Variants in KCNQ5 observed in about 807,000 individuals in gnomAD.
The protein encoded by KCNQ5 is potassium voltage-gated channel subfamily Q member 5.
A neutral mutation model predicts 98.2 loss-of-function variants in KCNQ5; 30 were observed. The ratio of observed to expected loss-of-function variants is 0.31; its 90% CI spans 0.23 to 0.41. KCNQ5 has a LOEUF of 0.41. Among genes scored for constraint, KCNQ5 ranks in the 10% least tolerant of loss-of-function variants. The pLI is 1.00. For synonymous variants in KCNQ5, 458 were observed against 449.4 expected (o/e 1.02, Z -0.24); for missense variants, 835 against 1,182.5 (o/e 0.71, Z 4.31).
At chr6:73,016,221 G>A (rs1303642300) in intron 2 of KCNQ5, among the ~76,000 whole-genome samples, 1 of 152,122 alleles carries the variant, frequency 6.6e-6, no homozygotes, top group East Asian at 1.9e-4. Flanking sequence ...TGAATGGAAT[G>A]AGGCGATGAG....
chr6:72,807,319 A>G (rs1187305270), intron 1 of KCNQ5, among the ~76,000 whole-genome samples: 1 of 152,188 alleles, frequency 6.6e-6, no homozygotes, highest in Admixed American at 6.6e-5. Context: ...TTATGAAAAT[A>G]ACAATATAAT....
chr6:73,157,391 A>G (rs1014373654), intron 10 of KCNQ5: 5 of 575,744 alleles, frequency 8.7e-6, no homozygotes, highest in Middle Eastern at 4.7e-4. Flanking sequence ...AGGATTCACA[A>G]TTTCTGGGGG....
At chr6:72,820,819 G>A (rs1277696785) in intron 1 of KCNQ5, among the ~76,000 whole-genome samples, 2 of 152,148 alleles carry the variant, frequency 1.3e-5, no homozygotes, top group Non-Finnish European at 2.9e-5. Flanking sequence ...AACACATACG[G>A]TGTTTATGAA....
At chr6:72,917,362 G>C (rs1368190830) in intron 1 of KCNQ5, among the ~76,000 whole-genome samples, 1 of 152,088 alleles carries the variant, frequency 6.6e-6, no homozygotes, top group African/African-American at 2.4e-5. Flanking sequence ...AAAGCTTTTT[G>C]TTAAACTGAG....
intron 5 of KCNQ5, among the ~76,000 whole-genome samples, chr6:73,102,482 A>T (rs1034066078): frequency 6.6e-6 from 1 of 152,184 alleles, no homozygotes; most frequent in African/African-American, 2.4e-5. Context: ...ATATTTGCAA[A>T]TTATCCATCT....
At chr6:72,803,461 G>T (rs952816280) in intron 1 of KCNQ5, among the ~76,000 whole-genome samples, 3 of 152,076 alleles carry the variant, frequency 2.0e-5, no homozygotes, top group African/African-American at 7.2e-5. Flanking sequence ...TATGCTTAAT[G>T]GTTTTCATTT....
rs190861116 is a variant in KCNQ5 at position 72,733,513 on chromosome 6, A to G, written c.398+110926A>G. On this transcript the variant is annotated intron_variant, in intron 1 of 13. Coordinates refer to ENST00000370398, the MANE Select transcript of KCNQ5 (RefSeq NM_019842.4). ...GCTCACTGAGTTAGGGAGAAGTTAGACTTTATGTCCATCTTTTTAAAAATG... is the reference window on the plus strand; with the variant it reads ...GCTCACTGAGTTAGGGAGAAGTTAGGCTTTATGTCCATCTTTTTAAAAATG... 3.3e-3 allele frequency among the ~76,000 whole-genome samples: 502 copies of G among 152,336 alleles called. 2 individuals are homozygous for G. The highest frequency in any genetic ancestry group is 0.011 in the South Asian group (53 of 4,830).
chr6:72,977,087 C>A (rs747124611), intron 1 of KCNQ5, among the ~76,000 whole-genome samples: 8 of 152,152 alleles, frequency 5.3e-5, no homozygotes. Context: ...AATTATGTAG[C>A]AATTATGTGT....
intron 1 of KCNQ5, among the ~76,000 whole-genome samples, chr6:72,737,318 G>T (rs1388772029): frequency 1.3e-5 from 2 of 152,122 alleles, no homozygotes; most frequent in African/African-American, 4.8e-5. Flanking sequence ...ATTATTTAAT[G>T]TTAGTAAAAT....
rs552837826 is a variant in KCNQ5 at position 73,124,040 on chromosome 6, C to CA, written c.1221-437dup. Among the ~76,000 whole-genome samples the CA allele has an allele frequency of 9.4e-3, 1,424 of 151,288 alleles. 15 individuals carry two copies. The highest frequency in any genetic ancestry group is 0.013 in the Non-Finnish European group (883 of 67,748). The stretch of plus-strand genomic sequence containing the variant: ...AAGGAAATTTAGATTTTATACGATA[C>CA]AAAAAAAAATCTGCCTCAGCAAGTG... On this transcript the variant is annotated intron_variant, in intron 8 of 13. Coordinates refer to ENST00000370398, the MANE Select transcript of KCNQ5 (RefSeq NM_019842.4).
chr6:73,192,506 T>C, intron 12 of KCNQ5, 59 bp from the exon 13 acceptor site: 1 of 1,416,382 alleles, frequency 7.1e-7, no homozygotes. Flanking sequence ...CTCTTCATTC[T>C]GACCTAGGGC....
intron 1 of KCNQ5, among the ~76,000 whole-genome samples, chr6:72,922,349 T>C (rs1780435628): frequency 6.6e-6 from 1 of 152,240 alleles, no homozygotes; most frequent in Non-Finnish European, 1.5e-5. Context: ...TTTTAATATA[T>C]GTATACACTT....
intron 1 of KCNQ5, among the ~76,000 whole-genome samples, chr6:72,841,610 A>T (rs887170107): frequency 6.6e-6 from 1 of 152,146 alleles, no homozygotes; most frequent in Non-Finnish European, 1.5e-5. Flanking sequence ...TATTTCTTAC[A>T]TGCTCTTTCT....
At position 72,938,411 on chromosome 6, in the gene KCNQ5, G is replaced by C. The variant is rs550246716; in HGVS notation, c.399-65497G>C. Among the ~76,000 whole-genome samples the C allele has an allele frequency of 3.7e-4, 56 of 152,068 alleles. 2 individuals carry two copies. In the South Asian group the frequency reaches 0.012, roughly 32 times the overall value. On this transcript the variant is annotated intron_variant, in intron 1 of 13. Transcript: ENST00000370398. ...TTTATTTTTCTTGAGATGGAGTCTC[G>C]CTCTGTCACCCAGACTGGAGTGCAG...
intron 1 of KCNQ5, among the ~76,000 whole-genome samples, chr6:72,639,924 A>C (rs2098926281): frequency 6.6e-6 from 1 of 152,210 alleles, no homozygotes; most frequent in Admixed American, 6.5e-5. Context: ...AAGATCCTGG[A>C]GTTATGGTAA....
intron 1 of KCNQ5, among the ~76,000 whole-genome samples, chr6:72,895,516 G>A (rs1475596726): frequency 6.6e-6 from 1 of 151,448 alleles, no homozygotes. Context: ...GATTCTTTAA[G>A]AAAAAACAAA....
In KCNQ5 at chr6:73,018,331, G is replaced by A. The variant is rs149499174; in HGVS notation, c.489+14333G>A. 4.2e-3 allele frequency among the ~76,000 whole-genome samples: 642 copies of A among 152,150 alleles called. 9 individuals are homozygous for A. Among genetic ancestry groups the A allele is most frequent in the African/African-American group, 0.015 (611 of 41,494 alleles). ...GGTCACTGTAGCCAGGCAGGGATGC[G>A]CATACAACTGGGTGAGGCAAGTGGG... is the stretch of plus-strand genomic sequence containing the variant. On this transcript the variant is annotated intron_variant, in intron 2 of 13. Coordinates refer to ENST00000370398, the MANE Select transcript of KCNQ5 (RefSeq NM_019842.4).
intron 5 of KCNQ5, among the ~76,000 whole-genome samples, chr6:73,104,565 C>T (rs575023587): frequency 2.4e-4 from 36 of 152,238 alleles, no homozygotes; most frequent in African/African-American, 8.2e-4. Context: ...TTTCTCCTCC[C>T]TAGATCACCT....
chr6:72,805,137 T>C (rs1774883837), intron 1 of KCNQ5, among the ~76,000 whole-genome samples: 1 of 152,292 alleles, frequency 6.6e-6, no homozygotes, highest in Admixed American at 6.5e-5. Flanking sequence ...TTGTTGATTG[T>C]TTCCCTTGCT....
Sources: allele counts gnomAD v4.1 joint callset (sites outside exome capture counted in the v4.1 genomes callset), GRCh38; gene constraint gnomAD v4.1.1; transcripts MANE v1.5; gene names NCBI Gene and HGNC (gene_info 2026-07-23, HGNC 2026-07-21).